Variants in ANXA11 observed in about 807,000 individuals in gnomAD.
ANXA11 encodes the protein annexin A11, also known as 56 kDa autoantigen.
Under a neutral mutation model 64.7 loss-of-function variants are expected in ANXA11, and 57 were observed. The ratio of observed to expected loss-of-function variants is 0.88; its 90% confidence interval spans 0.71 to 1.10. The LOEUF is 1.10. Among genes scored for constraint, ANXA11 ranks in the 50% least tolerant of loss-of-function variants. The probability of loss-of-function intolerance (pLI) is 0.00; values close to 1 mark genes in which losing one functional copy is unlikely to be tolerated. For missense variants in ANXA11, 675 were observed against 670.7 expected (o/e 1.01, Z -0.07); for synonymous variants, 260 against 265.2 (o/e 0.98, Z 0.19).
intron 1 of ANXA11, among the ~76,000 whole-genome samples, chr10:80,183,871 T>A (rs993891652): frequency 6.6e-6 from 1 of 152,200 alleles, no homozygotes; most frequent in African/African-American, 2.4e-5. Context: ...GGAAGGCAGA[T>A]AGAGCCCAAG....
At chr10:80,197,262 C>A (rs1319482551) in intron 1 of ANXA11, among the ~76,000 whole-genome samples, 4 of 152,210 alleles carry the variant, frequency 2.6e-5, no homozygotes, top group Non-Finnish European at 4.4e-5. Flanking sequence ...TCCATCACAC[C>A]TTCTCAGGCT....
chr10:80,156,930 T>C (rs1297957698), intron 15 of ANXA11: 3 of 925,254 alleles, frequency 3.2e-6, no homozygotes, highest in Non-Finnish European at 3.9e-6. Flanking sequence ...GTGGTCCCCA[T>C]GGTGCAATTG....
At chr10:80,166,017 C>T (rs1385489901) in intron 8 of ANXA11, 67 bp downstream of exon 8, 14 of 1,015,948 alleles carry the variant, frequency 1.4e-5, no homozygotes, top group Non-Finnish European at 1.5e-5. Context: ...TGTCCACACG[C>T]ATGCGCGCGT....
chr10:80,172,894 T>G (rs780108061), intron 2 of ANXA11, 25 bp from the exon 3 acceptor site: 2 of 1,610,970 alleles, frequency 1.2e-6, no homozygotes, highest in East Asian at 4.5e-5. Flanking sequence ...GAAAGCACAT[T>G]CAGGCTCTGC....
intron 1 of ANXA11, among the ~76,000 whole-genome samples, chr10:80,198,065 G>A (rs540794861): frequency 1.5e-4 from 23 of 152,314 alleles, no homozygotes; most frequent in African/African-American, 4.6e-4. Flanking sequence ...GATGACTCTC[G>A]GGGCATCAGC....
At position 80,170,648 on chromosome 10, in the gene ANXA11, T is replaced by A. The variant is rs545663438; in HGVS notation, c.171+152A>T. The A allele has an allele frequency of 2.9e-5, 14 of 490,272 alleles. No homozygotes were observed. In the East Asian group the frequency reaches 4.9e-4, roughly 17 times the overall value. 30.4% of individuals were successfully genotyped at this position (490,272 alleles called of 1,614,324 possible). ...CAGAGAGCAGGTGGCAGAAGCCTGA[T>A]GAAAACCCTGTTCTAAGGTACAGCT... On this transcript the variant is annotated intron_variant, in intron 4 of 15. Transcript: ENST00000422982.
In ANXA11 at chr10:80,152,677, T is replaced by C. The variant is rs1324082343; in HGVS notation, c.*3176A>G. 6.6e-6 allele frequency: 1 copy of C among 152,398 alleles called. No homozygotes were observed. The highest frequency in any genetic ancestry group is 1.5e-5 in the Non-Finnish European group (1 of 68,152). The allele number at this position is 152,398 out of a possible 1,614,324, so 9.4% of individuals were successfully genotyped here. On this transcript the variant is annotated 3_prime_UTR_variant, in exon 16 of 16. Coordinates refer to ENST00000422982, the MANE Select transcript of ANXA11 (RefSeq NM_145868.2). ...AGCTCTCACACTGTCCACCTTTACC[T>C]AGGCTGTCTTCTCCAGATCTGCAGC...
chr10:80,181,626 T>C (rs372276507), intron 1 of ANXA11, among the ~76,000 whole-genome samples: 94 of 152,174 alleles, frequency 6.2e-4, no homozygotes, highest in East Asian at 1.7e-3. Flanking sequence ...ATTTAAAAAA[T>C]AGGCAAAAGA....
chr10:80,193,811 CAA>C (rs546354623), intron 1 of ANXA11, among the ~76,000 whole-genome samples: 38 of 114,452 alleles, frequency 3.3e-4, no homozygotes, highest in Non-Finnish European at 2.7e-4. Context: ...GACTCTGTCT[CAA>C]AAAAAAAAAA....
At chr10:80,170,330 C>T (rs919006319) in intron 4 of ANXA11, among the ~76,000 whole-genome samples, 2 of 152,142 alleles carry the variant, frequency 1.3e-5, no homozygotes, top group African/African-American at 4.8e-5. Context: ...GTTTTCAAAT[C>T]ATAAAATGTA....
At chr10:80,165,176 T>C (rs768460551) in intron 8 of ANXA11, among the ~76,000 whole-genome samples, 1 of 152,108 alleles carries the variant, frequency 6.6e-6, no homozygotes, top group Non-Finnish European at 1.5e-5. Context: ...GAATAACACA[T>C]GTAGATGTGT....
intron 8 of ANXA11, among the ~76,000 whole-genome samples, chr10:80,165,533 G>C (rs1845685822): frequency 6.6e-6 from 1 of 152,138 alleles, no homozygotes; most frequent in Admixed American, 6.5e-5. Flanking sequence ...GTGGTCGACA[G>C]GCCCCCTCTC....
chr10:80,191,679 C>T (rs1846782782), intron 1 of ANXA11, among the ~76,000 whole-genome samples: 1 of 152,184 alleles, frequency 6.6e-6, no homozygotes, highest in East Asian at 1.9e-4. Context: ...GGTGTGCTAA[C>T]TTGAATTACC....
At chr10:80,163,987 C>T in intron 9 of ANXA11, 66 bp downstream of exon 9, 5 of 1,390,668 alleles carry the variant, frequency 3.6e-6, no homozygotes, top group South Asian at 3.6e-5. Flanking sequence ...GAGAATGAGG[C>T]CACAGCCCCA....
At chr10:80,167,115 C>A in intron 6 of ANXA11, 111 bp downstream of exon 6, 1 of 1,291,918 alleles carries the variant, frequency 7.7e-7, no homozygotes, top group Non-Finnish European at 1.1e-6. Flanking sequence ...CTTCTATCAC[C>A]ACTGGGGCCA....
rs2132351899 is a variant in ANXA11 at position 80,155,813 on chromosome 10, G to A, written c.*40C>T. The A allele has an allele frequency of 1.9e-6, 3 of 1,592,490 alleles. No homozygotes were observed. The highest frequency in any genetic ancestry group is 2.6e-6 in the Non-Finnish European group (3 of 1,160,734). ...CTTTTGGCCTTTTCCTGGCACTGGTGTTGCCGGCAGGTGGGCAGAAGTGAG... is the reference window on the plus strand; with the variant it reads ...CTTTTGGCCTTTTCCTGGCACTGGTATTGCCGGCAGGTGGGCAGAAGTGAG... On this transcript the variant is annotated 3_prime_UTR_variant, in exon 16 of 16. Coordinates refer to ENST00000422982, the MANE Select transcript of ANXA11 (RefSeq NM_145868.2).
Position 80,169,131 on chromosome 10 carries a change from CATGGG to C in ANXA11, c.394_398del (p.Pro132AlafsTer63). ...CTGGGGGCTGCTGTCCGGGGGGTGG[CATGGG>C]CTGGCCCGGCACAGGGGCCCCTGGG... On this transcript the variant is annotated frameshift_variant, in exon 5 of 16. Coordinates refer to ENST00000422982, the MANE Select transcript of ANXA11 (RefSeq NM_145868.2). LOFTEE classifies it high-confidence loss of function. The C allele has an allele frequency of 3.2e-6, 5 of 1,546,754 alleles. No individual in the cohort carries two copies. Among genetic ancestry groups the C allele is most frequent in the Non-Finnish European group, 4.3e-6 (5 of 1,152,056 alleles).
intron 8 of ANXA11, 60 bp downstream of exon 8, chr10:80,166,024 G>GCGTGCGCACGCATGCGCA (rs1845707310): frequency 1.4e-5 from 15 of 1,039,978 alleles, no homozygotes; most frequent in Middle Eastern, 4.2e-4. Context: ...ACGCATGCGC[G>GCGTGCGCACGCATGCGCA]CGTGCGCACA....
At chr10:80,173,704 G>A (rs1589433012) in intron 2 of ANXA11, among the ~76,000 whole-genome samples, 1 of 152,340 alleles carries the variant, frequency 6.6e-6, no homozygotes, top group South Asian at 2.1e-4. Context: ...CTTGCTAATA[G>A]CAGCTGCTGC....
Sources: allele counts gnomAD v4.1 joint callset (sites outside exome capture counted in the v4.1 genomes callset), GRCh38; gene constraint gnomAD v4.1.1; transcripts MANE v1.5; gene names NCBI Gene and HGNC (gene_info 2026-07-23, HGNC 2026-07-21).